The following ADGRE1 variants were observed in gnomAD, a reference collection of about 807,000 sequenced individuals.
ADGRE1 encodes EGF-like module receptor 1.
A neutral mutation model predicts 102.7 loss-of-function variants in ADGRE1; 82 were observed. That is an observed-to-expected ratio of 0.80 (90% CI 0.67 to 0.96). The LOEUF (loss-of-function observed/expected upper bound fraction) is 0.96, where lower values mean the gene tolerates loss of function less well. Among genes scored for constraint, ADGRE1 ranks in the 40% least tolerant of loss-of-function variants. The pLI, the probability that ADGRE1 is intolerant of heterozygous loss-of-function variation, is 0.00. For missense variants in ADGRE1, 1,032 were observed against 1,085.3 expected (o/e 0.95, Z 0.69); for synonymous variants, 398 against 399.6 (o/e 1.00, Z 0.05).
At chr19:6,905,099 T>C (rs75910543) in intron 8 of ADGRE1, among the ~76,000 whole-genome samples, 2,280 of 152,022 alleles carry the variant, frequency 0.015, 24 homozygotes, top group Admixed American at 0.038. Context: ...AAACAGCACT[T>C]TGGGAGGCCA....
At chr19:6,932,923 T>C (rs1440708667) in intron 17 of ADGRE1, among the ~76,000 whole-genome samples, 3 of 152,114 alleles carry the variant, frequency 2.0e-5, no homozygotes, top group African/African-American at 7.2e-5. Context: ...ATGGAAATAA[T>C]AATTATGATG....
intron 14 of ADGRE1, among the ~76,000 whole-genome samples, 165 bp downstream of exon 14, chr19:6,922,048 TAC>T (rs879156181): frequency 1.3e-5 from 2 of 152,298 alleles, no homozygotes; most frequent in South Asian, 4.1e-4. Flanking sequence ...CTGCAGAATT[TAC>T]AGTCTGGTTG....
At chr19:6,899,732 T>C (rs58602605) in intron 5 of ADGRE1, among the ~76,000 whole-genome samples, 5,707 of 151,784 alleles carry the variant, frequency 0.038, 383 homozygotes, top group African/African-American at 0.13. Flanking sequence ...AAACCTATTC[T>C]GGGGAGATTC....
At chr19:6,900,182 A>G (rs1226729791) in intron 5 of ADGRE1, among the ~76,000 whole-genome samples, 1 of 152,056 alleles carries the variant, frequency 6.6e-6, no homozygotes, top group African/African-American at 2.4e-5. Flanking sequence ...TACCTGCTAA[A>G]TATGTTTTGA....
rs1219606162 is a variant in ADGRE1, at chr19:6,913,758, G to A, written c.1228G>A (p.Glu410Lys). ...GGCCACAGTCTTCCTGGAGAGTGTGGAAAGCATGACACTGGCATCTTTTTG... is the reference window on the plus strand; with the variant it reads ...GGCCACAGTCTTCCTGGAGAGTGTGAAAAGCATGACACTGGCATCTTTTTG... ...SLATVFLESV[E>K]SMTLASFWKP... The change falls in exon 11 of 21, where the codon GAA (glutamate) becomes AAA (lysine). Residue 410 changes from glutamate (E) to lysine (K), a missense_variant. Coordinates refer to ENST00000312053, the MANE Select transcript of ADGRE1 (RefSeq NM_001974.5). 1.2e-6 allele frequency: 2 copies of A among 1,612,796 alleles called. No homozygotes were observed. Among genetic ancestry groups the A allele is most frequent in the Admixed American group, 1.7e-5 (1 of 59,880 alleles).
chr19:6,926,412 C>G lies in ADGRE1; in HGVS notation c.2033C>G (p.Ala678Gly). The change falls in exon 16 of 21, where the codon GCC (alanine) becomes GGC (glycine). Residue 678 changes from alanine to glycine, a missense_variant. Ala to Gly is a moderately conservative substitution (Grantham distance 60, BLOSUM62 0). Coordinates refer to ENST00000312053, the MANE Select transcript of ADGRE1 (RefSeq NM_001974.5). ...GGCTTCCTGCACTACCTTTTCCTTG[C>G]CTGCTTCTTCTGGATGCTGGTGGAG... ...IAGFLHYLFL[A>G]CFFWMLVEAV... The G allele has an allele frequency of 6.2e-7, 1 of 1,614,250 alleles. No homozygotes were observed. The highest frequency in any genetic ancestry group is 1.1e-5 in the South Asian group (1 of 91,086).
At chr19:6,909,604 A>G (rs1260851424) in intron 10 of ADGRE1, among the ~76,000 whole-genome samples, 1 of 151,990 alleles carries the variant, frequency 6.6e-6, no homozygotes, top group Non-Finnish European at 1.5e-5. Context: ...TTTACTGTTA[A>G]TGAGATTCAG....
At chr19:6,919,832 G>T (rs1211351992) in intron 13 of ADGRE1, 85 bp downstream of exon 13, 5 of 1,381,584 alleles carry the variant, frequency 3.6e-6, no homozygotes, top group East Asian at 4.7e-5. Flanking sequence ...CATTTTTTAC[G>T]GGAAGCTATT....
At chr19:6,897,325 G>A in intron 4 of ADGRE1, 21 bp downstream of exon 4, 1 of 1,613,866 alleles carries the variant, frequency 6.2e-7, no homozygotes, top group Non-Finnish European at 8.5e-7. Context: ...CAGGTTCCCA[G>A]GGATGGGTCT....
intron 2 of ADGRE1, 42 bp downstream of exon 2, chr19:6,890,585 G>T: frequency 6.3e-7 from 1 of 1,592,484 alleles, no homozygotes; most frequent in Non-Finnish European, 8.6e-7. Context: ...AAGGGGTAGA[G>T]AAAGTTTTCT....
chr19:6,911,386 T>C (rs1008591734), intron 10 of ADGRE1, among the ~76,000 whole-genome samples: 13 of 55,548 alleles, frequency 2.3e-4, no homozygotes, highest in Non-Finnish European at 4.9e-5. Context: ...TTCCTTTTAG[T>C]TTTTTTTTTT....
chr19:6,911,372 T>C (rs1300254885), intron 10 of ADGRE1, among the ~76,000 whole-genome samples: 1 of 143,052 alleles, frequency 7.0e-6, no homozygotes, highest in Non-Finnish European at 1.6e-5. Flanking sequence ...TATTAGGTTC[T>C]GGATTCCTTT....
intron 1 of ADGRE1, 28 bp downstream of exon 1, chr19:6,887,667 G>C (rs1973201093): frequency 6.2e-7 from 1 of 1,603,820 alleles, no homozygotes. Context: ...TGGGGGGCTA[G>C]GGGAGGCCTG....
At chr19:6,891,888 G>A (rs1366339074) in intron 2 of ADGRE1, among the ~76,000 whole-genome samples, 2 of 151,810 alleles carry the variant, frequency 1.3e-5, no homozygotes, top group Non-Finnish European at 2.9e-5. Context: ...GGGCATGTCT[G>A]GTGGCCAGAA....
intron 11 of ADGRE1, 77 bp from the exon 12 acceptor site, chr19:6,916,172 C>T: frequency 2.0e-6 from 3 of 1,531,890 alleles, no homozygotes; most frequent in South Asian, 2.4e-5. Flanking sequence ...TGGAGGTGTA[C>T]CTTTTTTTGG....
chr19:6,898,537 C>T, intron 5 of ADGRE1: 1 of 1,536,328 alleles, frequency 6.5e-7, no homozygotes, highest in Non-Finnish European at 9.0e-7. Flanking sequence ...TATTTCTGAA[C>T]TGAGGCACCC....
At position 6,916,347 on chromosome 19, in the gene ADGRE1, A is replaced by G. The variant is rs375917460; in HGVS notation, c.1399A>G (p.Ile467Val). The G allele has an allele frequency of 8.1e-6, 13 of 1,613,546 alleles. No homozygotes were observed. The highest frequency in any genetic ancestry group is 5.3e-5 in the African/African-American group (4 of 74,908). The change falls in exon 12 of 21, where the codon ATT becomes GTT. Residue 467 changes from isoleucine (I) to valine (V), a missense_variant. Coordinates refer to ENST00000312053, the MANE Select transcript of ADGRE1 (RefSeq NM_001974.5). ...GDKMKIGCST[I>V]EESESTETTG... ...TAAGATGAAGATCGGGTGTTCCACA[A>G]TTGAGGAATCTGAATCCACAGGTAC...
At chr19:6,908,981 G>A (rs380213) in intron 10 of ADGRE1, among the ~76,000 whole-genome samples, 56,073 of 151,462 alleles carry the variant, frequency 0.37, 12,186 homozygotes, top group African/African-American at 0.6. Flanking sequence ...TACAAATACA[G>A]AACTTAGCCG....
intron 2 of ADGRE1, among the ~76,000 whole-genome samples, chr19:6,890,957 A>T (rs1376805722): frequency 6.6e-6 from 1 of 152,200 alleles, no homozygotes; most frequent in Non-Finnish European, 1.5e-5. Flanking sequence ...ATGTTTTGTT[A>T]AATACTCTCA....
Sources: gnomAD v4.1 joint callset for allele counts (sites outside exome capture counted in the v4.1 genomes callset) on GRCh38, gnomAD v4.1.1 for gene constraint, MANE v1.5 for transcripts, NCBI Gene and HGNC (gene_info 2026-07-23, HGNC 2026-07-21) for gene names.